The following FOXP2 variants were observed in gnomAD, a reference collection of about 807,000 sequenced individuals.
FOXP2 encodes forkhead box protein P2.
In FOXP2, 12 loss-of-function variants were observed where a neutral mutation model predicts 115.8. The ratio of observed to expected loss-of-function variants is 0.10; its 90% CI spans 0.07 to 0.17. The LOEUF is 0.17. Among genes scored for constraint, FOXP2 ranks in the 10% least tolerant of loss-of-function variants. FOXP2 has a pLI of 1.00. For missense variants in FOXP2, 629 were observed against 843.5 expected (o/e 0.75, Z 3.15); for synonymous variants, 328 against 297.7 (o/e 1.10, Z -1.05).
At chr7:114,632,641 G>A (rs1804984067) in intron 6 of FOXP2, among the ~76,000 whole-genome samples, 1 of 152,100 alleles carries the variant, frequency 6.6e-6, no homozygotes, top group Admixed American at 6.6e-5. Flanking sequence ...AGAAAATCAG[G>A]AGTATCGTGG....
At chr7:114,374,260 A>C (rs190041737) in intron 2 of FOXP2, among the ~76,000 whole-genome samples, 141 of 152,308 alleles carry the variant, frequency 9.3e-4, no homozygotes, top group Middle Eastern at 3.4e-3. Context: ...AGTTCTAATA[A>C]AATAAAAGTA....
At chr7:114,216,926 A>G (rs1794499731) in intron 1 of FOXP2, among the ~76,000 whole-genome samples, 1 of 152,176 alleles carries the variant, frequency 6.6e-6, no homozygotes, top group South Asian at 2.1e-4. Context: ...TTTAAAATAT[A>G]ATAACAATAT....
intron 3 of FOXP2, among the ~76,000 whole-genome samples, chr7:114,560,498 C>G (rs998783865): frequency 1.4e-4 from 21 of 152,234 alleles, no homozygotes; most frequent in Admixed American, 9.8e-4. Context: ...CACCTATAAT[C>G]TCAACTACTT....
intron 3 of FOXP2, among the ~76,000 whole-genome samples, chr7:114,548,586 T>C (rs1025970463): frequency 2.1e-4 from 32 of 152,240 alleles, no homozygotes; most frequent in Admixed American, 2.1e-3. Flanking sequence ...CAAACCTGTG[T>C]ATTAATGTGA....
intron 1 of FOXP2, among the ~76,000 whole-genome samples, chr7:114,193,076 T>TA (rs1793805969): frequency 6.6e-6 from 1 of 152,122 alleles, no homozygotes; most frequent in African/African-American, 2.4e-5. Flanking sequence ...TAGTAGATAT[T>TA]TTATAATATC....
At chr7:114,159,680 T>A (rs1189251082), upstream of FOXP2, among the ~76,000 whole-genome samples, 1 of 50,106 alleles carries the variant, frequency 2.0e-5, no homozygotes, top group Non-Finnish European at 5.6e-5. Flanking sequence ...AATCCAGGAC[T>A]AACGATCACT....
chr7:114,552,510 T>C (rs1448136804), intron 3 of FOXP2, among the ~76,000 whole-genome samples: 2 of 152,222 alleles, frequency 1.3e-5, no homozygotes, highest in Admixed American at 6.5e-5. Flanking sequence ...TTATGTGTTA[T>C]ATGCCAAAAG....
At chr7:114,297,322 G>A in intron 2 of FOXP2, 1 of 580,060 alleles carries the variant, frequency 1.7e-6, no homozygotes, top group Non-Finnish European at 3.3e-6. Context: ...AACTTGGTGT[G>A]CTTGGTCAGG....
rs963239607 is a variant in FOXP2, at chr7:114,426,547, C to T, written c.36C>T (p.Asn12=). ...AATCTGCGACAGAGACAATAAGCAA[C>T]AGTTCAATGAATCAAAATGGAATGA... ...MQESATETIS[N]SSMNQNGMST... The change falls in exon 2 of 17, where the codon AAC becomes AAT. Residue 12 remains asparagine, a synonymous_variant. Transcript: ENST00000350908. 5.0e-6 allele frequency: 8 copies of T among 1,611,166 alleles called. No individual in the cohort carries two copies. The African/African-American group carries it at 9.4e-5, about 19-fold the overall frequency.
intron 2 of FOXP2, among the ~76,000 whole-genome samples, chr7:114,492,281 G>A (rs1268049635): frequency 5.3e-5 from 8 of 151,808 alleles, no homozygotes; most frequent in Admixed American, 2.6e-4. Context: ...TTTTTATTGC[G>A]TGTATTTGAT....
chr7:114,540,501 T>C (rs1341769138), intron 3 of FOXP2, among the ~76,000 whole-genome samples: 2 of 152,078 alleles, frequency 1.3e-5, no homozygotes, highest in African/African-American at 4.8e-5. Flanking sequence ...TGATTATTTA[T>C]CATGTGTAAT....
intron 2 of FOXP2, among the ~76,000 whole-genome samples, chr7:114,388,758 T>C (rs1584687406): frequency 6.6e-6 from 1 of 151,038 alleles, no homozygotes; most frequent in East Asian, 1.9e-4. Flanking sequence ...TATTTAAATT[T>C]AGACAACTTA....
At chr7:114,524,117 G>A (rs188984729) in intron 2 of FOXP2, among the ~76,000 whole-genome samples, 57 of 152,138 alleles carry the variant, frequency 3.7e-4, no homozygotes, top group African/African-American at 1.3e-3. Context: ...TTTATTTATA[G>A]ATGATAACGT....
intron 2 of FOXP2, among the ~76,000 whole-genome samples, chr7:114,301,430 A>G (rs1796877165): frequency 6.6e-6 from 1 of 152,092 alleles, no homozygotes; most frequent in Non-Finnish European, 1.5e-5. Flanking sequence ...ACTCCTGTCC[A>G]CACGTTAACA....
chr7:114,644,794 GT>G lies in FOXP2; in HGVS notation c.1094+11del. 6.2e-7 allele frequency: 1 copy of G among 1,601,366 alleles called. No homozygotes were observed. The highest frequency in any genetic ancestry group is 8.5e-7 in the Non-Finnish European group (1 of 1,169,968). On this transcript the variant is annotated splice_donor_region_variant and intron_variant, in intron 8 of 16. Coordinates refer to ENST00000350908, the MANE Select transcript of FOXP2 (RefSeq NM_014491.4). ...AGATTTTGGACAGTTTTTAAAGTAG[GT>G]TTTTTACTTTTTTTTGGTGGGGGGC...
chr7:114,210,628 G>A (rs1794321846), intron 1 of FOXP2, among the ~76,000 whole-genome samples: 1 of 152,178 alleles, frequency 6.6e-6, no homozygotes, highest in Non-Finnish European at 1.5e-5. Flanking sequence ...AGGAGGAATG[G>A]GATCAGGGAC....
At chr7:114,385,315 A>G (rs1364876613) in intron 2 of FOXP2, among the ~76,000 whole-genome samples, 1 of 152,198 alleles carries the variant, frequency 6.6e-6, no homozygotes, top group East Asian at 1.9e-4. Context: ...GATCAGAGGA[A>G]GTAGATTCAG....
chr7:114,418,733 G>T (rs941564095), intron 1 of FOXP2, among the ~76,000 whole-genome samples: 1 of 151,248 alleles, frequency 6.6e-6, no homozygotes, highest in African/African-American at 2.4e-5. Context: ...CCTGTCGATC[G>T]CAAAGGATTC....
chr7:114,457,079 G>A (rs1052089263), intron 2 of FOXP2, among the ~76,000 whole-genome samples: 7 of 152,088 alleles, frequency 4.6e-5, no homozygotes, highest in African/African-American at 1.7e-4. Flanking sequence ...TAATTCTGGA[G>A]ATCTAAGATA....
Sources: gnomAD v4.1 joint callset for allele counts (sites outside exome capture counted in the v4.1 genomes callset) on GRCh38, gnomAD v4.1.1 for gene constraint, MANE v1.5 for transcripts, NCBI Gene and HGNC (gene_info 2026-07-23, HGNC 2026-07-21) for gene names.